The following GUCY2C variants were observed in gnomAD, a reference collection of about 807,000 sequenced individuals.
GUCY2C encodes the protein guanylyl cyclase C.
GUCY2C carries 118 observed loss-of-function variants against 131.1 expected under a neutral mutation model. The ratio of observed to expected loss-of-function variants is 0.90; its 90% CI spans 0.78 to 1.05. The LOEUF is 1.05. GUCY2C is among the 50% of genes least tolerant of loss of function. The pLI is 0.00. For missense variants in GUCY2C, 1,161 were observed against 1,304.4 expected, an observed-to-expected ratio of 0.89 and a Z score of 1.69; for synonymous variants, 452 against 457.8, an observed-to-expected ratio of 0.99 and a Z score of 0.16.
At chr12:14,674,305 A>G in intron 8 of GUCY2C, 1 of 362,110 alleles carries the variant, frequency 2.8e-6, no homozygotes, top group Non-Finnish European at 5.3e-6. Context: ...GCAAATGTTT[A>G]TCCTCTTGTT....
intron 15 of GUCY2C, among the ~76,000 whole-genome samples, chr12:14,648,623 T>C (rs1225775415): frequency 6.6e-6 from 1 of 152,252 alleles, no homozygotes; most frequent in Non-Finnish European, 1.5e-5. Context: ...TGTCTTCCTT[T>C]ATCTCTCTGA....
chr12:14,648,585 C>CTTTGTTTTTTT (rs1947573959), intron 15 of GUCY2C, among the ~76,000 whole-genome samples: 1 of 152,190 alleles, frequency 6.6e-6, no homozygotes, highest in African/African-American at 2.4e-5. Flanking sequence ...ATGTAATCCT[C>CTTTGTTTTTTT]TTTGTTTTTT....
In GUCY2C at chr12:14,641,108, TAGA is replaced by T. The variant is rs748750136; in HGVS notation, c.2039_2041del (p.Phe680del). On this transcript the variant is annotated inframe_deletion, in exon 18 of 27. Transcript: ENST00000261170. Reference sequence around the variant, plus strand: ...ATTCCGGTCCCGACAGCTCAAAGTGTAGAAGGTTTCTTTCCGCAGGATGATCTC... The same window carrying T: ...ATTCCGGTCCCGACAGCTCAAAGTGTAGGTTTCTTTCCGCAGGATGATCTC... The T allele has an allele frequency of 3.1e-6, 5 of 1,613,684 alleles. No homozygotes were observed. The highest frequency in any genetic ancestry group is 4.2e-6 in the Non-Finnish European group (5 of 1,179,878).
intron 22 of GUCY2C, 118 bp from the exon 23 acceptor site, chr12:14,621,334 G>A (rs1946892784): frequency 2.3e-6 from 2 of 851,216 alleles, no homozygotes; most frequent in Non-Finnish European, 3.8e-6. Context: ...TATGAGCATA[G>A]CCCTTTACAC....
intron 1 of GUCY2C, among the ~76,000 whole-genome samples, chr12:14,689,124 A>C (rs1948530492): frequency 6.6e-6 from 1 of 152,242 alleles, no homozygotes; most frequent in African/African-American, 2.4e-5. Context: ...AGACTAGTGA[A>C]GACACGATTC....
intron 6 of GUCY2C, among the ~76,000 whole-genome samples, chr12:14,677,317 C>T (rs1413894841): frequency 6.6e-6 from 1 of 152,076 alleles, no homozygotes. Flanking sequence ...GTGCTTTTAA[C>T]AATTTAGAGA....
chr12:14,645,743 C>G (rs184321081), intron 15 of GUCY2C, among the ~76,000 whole-genome samples: 2 of 144,450 alleles, frequency 1.4e-5, no homozygotes, highest in Non-Finnish European at 3.1e-5. Context: ...CTTAATTGCT[C>G]TTTTTTTTTT....
chr12:14,669,786 A>G lies in GUCY2C; in HGVS notation c.1218T>C (p.Pro406=), dbSNP rs1318119259. The G allele has an allele frequency of 8.7e-6, 14 of 1,606,148 alleles. No homozygotes were observed. The highest frequency in any genetic ancestry group is 1.2e-5 in the Non-Finnish European group (14 of 1,173,970). The change falls in exon 10 of 27, where the codon CCT becomes CCC. Residue 406 remains proline, a synonymous_variant. Coordinates refer to ENST00000261170, the MANE Select transcript of GUCY2C (RefSeq NM_004963.4). ...AAGTGAATGTGGGGCTCATATCCAC[A>G]GGATAGGTCTTATTTACGTGGGTAT... The part of the protein sequence containing the change: ...TYDTHVNKTY[P]VDMSPTFTWK...
chr12:14,695,236 C>G (rs894059620), intron 1 of GUCY2C, among the ~76,000 whole-genome samples: 1 of 152,140 alleles, frequency 6.6e-6, no homozygotes, highest in Non-Finnish European at 1.5e-5. Context: ...TGGAAACATC[C>G]AGGTGGCTGG....
At chr12:14,645,407 T>C in intron 15 of GUCY2C, 92 bp from the exon 16 acceptor site, 1 of 659,570 alleles carries the variant, frequency 1.5e-6, no homozygotes, top group Non-Finnish European at 2.7e-6. Context: ...CTTCAAATTA[T>C]GAAACCTTAG....
chr12:14,616,950 C>G (rs1365618082), intron 24 of GUCY2C, among the ~76,000 whole-genome samples: 1 of 152,132 alleles, frequency 6.6e-6, no homozygotes, highest in African/African-American at 2.4e-5. Context: ...ATTTTAATCC[C>G]CAGTGCTGGA....
chr12:14,696,157 A>T, intron 1 of GUCY2C, 75 bp downstream of exon 1: 1 of 1,147,146 alleles, frequency 8.7e-7, no homozygotes, highest in East Asian at 2.4e-5. Context: ...AAAGAACACA[A>T]GGTCTTTGCT....
intron 9 of GUCY2C, among the ~76,000 whole-genome samples, chr12:14,671,647 T>A (rs1393751214): frequency 2.0e-5 from 3 of 152,200 alleles, no homozygotes; most frequent in Non-Finnish European, 4.4e-5. Flanking sequence ...CGAATTTGCT[T>A]ATAGAGAGAA....
intron 13 of GUCY2C, 69 bp downstream of exon 13, chr12:14,652,883 A>C: frequency 2.0e-6 from 2 of 979,982 alleles, no homozygotes. Flanking sequence ...ATCAGGGGCC[A>C]GGGCAATGAG....
At chr12:14,687,792 G>A (rs772680954) in intron 2 of GUCY2C, among the ~76,000 whole-genome samples, 159 bp downstream of exon 2, 5 of 152,106 alleles carry the variant, frequency 3.3e-5, no homozygotes, top group Non-Finnish European at 7.4e-5. Context: ...TAATCTGTAG[G>A]GGTAAAGCCA....
At position 14,640,938 on chromosome 12, in the gene GUCY2C, T is replaced by C. The variant is rs1015075724; in HGVS notation, c.2068+144A>G. On this transcript the variant is annotated intron_variant, in intron 18 of 26. Coordinates refer to ENST00000261170, the MANE Select transcript of GUCY2C (RefSeq NM_004963.4). ...ATATTGAATCTTCCTTATATTCTTA[T>C]AAAATGCATAATGCAGATGGGAAAT... The C allele has an allele frequency of 7.2e-6, 5 of 692,926 alleles. No homozygotes were observed. The African/African-American group carries it at 8.8e-5, about 12-fold the overall frequency. 42.9% of individuals were successfully genotyped at this position (692,926 alleles called of 1,614,324 possible).
chr12:14,628,981 C>T (rs1947084415), intron 19 of GUCY2C, among the ~76,000 whole-genome samples: 1 of 151,932 alleles, frequency 6.6e-6, no homozygotes, highest in Non-Finnish European at 1.5e-5. Context: ...TAGATGAGGC[C>T]GGGTTGATAC....
At chr12:14,637,790 G>T (rs1947303690) in intron 19 of GUCY2C, among the ~76,000 whole-genome samples, 1 of 152,116 alleles carries the variant, frequency 6.6e-6, no homozygotes, top group Non-Finnish European at 1.5e-5. Flanking sequence ...AAAACATAGA[G>T]AAAAGACTTT....
At chr12:14,660,313 G>A (rs1592122379) in intron 11 of GUCY2C, among the ~76,000 whole-genome samples, 1 of 152,178 alleles carries the variant, frequency 6.6e-6, no homozygotes, top group African/African-American at 2.4e-5. Flanking sequence ...ACTCATTTAT[G>A]TATTCAATAA....
Sources: allele counts gnomAD v4.1 joint callset (sites outside exome capture counted in the v4.1 genomes callset), GRCh38; gene constraint gnomAD v4.1.1; transcripts MANE v1.5; gene names NCBI Gene and HGNC (gene_info 2026-07-23, HGNC 2026-07-21).